WNT7B: variants seen among roughly 807,000 people sequenced by gnomAD.
The protein encoded by WNT7B is Wnt family member 7B.
WNT7B carries 19 observed loss-of-function variants against 38.2 expected under a neutral mutation model. That is an observed-to-expected ratio of 0.50 (90% CI 0.35 to 0.73). WNT7B has a LOEUF of 0.73. Ranked by LOEUF, WNT7B falls within the 30% of genes least tolerant of loss-of-function variation. The pLI, the probability that WNT7B is intolerant of heterozygous loss-of-function variation, is 0.01. For missense variants in WNT7B, 423 were observed against 507.9 expected (o/e 0.83, Z 1.61); for synonymous variants, 243 against 209.3 (o/e 1.16, Z -1.39).
intron 2 of WNT7B, among the ~76,000 whole-genome samples, chr22:45,935,655 C>A (rs1481183167): frequency 6.6e-6 from 1 of 152,186 alleles, no homozygotes; most frequent in African/African-American, 2.4e-5. Flanking sequence ...CTTTTCTGTA[C>A]CTCCCACCCA....
chr22:45,960,415 G>T (rs1296604455), intron 1 of WNT7B, among the ~76,000 whole-genome samples: 1 of 152,134 alleles, frequency 6.6e-6, no homozygotes, highest in Non-Finnish European at 1.5e-5. Flanking sequence ...GGGGTCCCCA[G>T]AATTGCCCAG....
intron 1 of WNT7B, among the ~76,000 whole-genome samples, chr22:45,960,847 C>T (rs1452667066): frequency 6.6e-6 from 1 of 152,224 alleles, no homozygotes; most frequent in Non-Finnish European, 1.5e-5. Context: ...CCGGAACTTT[C>T]CATCCATATA....
At chr22:45,925,886 G>C in intron 3 of WNT7B, 1 of 985,422 alleles carries the variant, frequency 1.0e-6, no homozygotes, top group Non-Finnish European at 1.2e-6. Context: ...TGCAGGCCAC[G>C]TGGTCTAGGC....
intron 2 of WNT7B, among the ~76,000 whole-genome samples, chr22:45,941,167 G>C (rs969178324): frequency 2.0e-5 from 3 of 152,314 alleles, no homozygotes; most frequent in East Asian, 1.9e-4. Flanking sequence ...TCTCAGCGTA[G>C]AGCTAACGGG....
chr22:45,954,639 A>C, intron 1 of WNT7B: 1 of 985,400 alleles, frequency 1.0e-6, no homozygotes, highest in Non-Finnish European at 1.2e-6. Flanking sequence ...GGGGAAGTAA[A>C]GGCATCAGGG....
rs1187825014 is a variant in WNT7B at position 45,923,310 on chromosome 22, T to C, written c.596A>G (p.Glu199Gly). Residue 199 changes from glutamate to glycine, a missense_variant, in exon 4 of 4, where the codon GAG becomes GGG. By Grantham distance (98) the Glu-to-Gly change is moderately conservative (BLOSUM62 -2). Coordinates refer to ENST00000339464, the MANE Select transcript of WNT7B (RefSeq NM_058238.3). ...GCCAGACACGCCGTGGCACTTGCAC[T>C]CCAGCTGCATCCGGTCCTCTAGAAC... ...RKVLEDRMQL[E>G]CKCHGVSGSC... 6.2e-7 allele frequency: 1 copy of C among 1,608,612 alleles called. No individual in the cohort carries two copies. The highest frequency in any genetic ancestry group is 2.2e-5 in the East Asian group (1 of 44,760).
intron 1 of WNT7B, chr22:45,972,373 C>T: frequency 3.0e-6 from 1 of 329,534 alleles, no homozygotes; most frequent in Non-Finnish European, 5.5e-6. Context: ...CTCGTGGGCC[C>T]GGGCGCAGTT....
intron 1 of WNT7B, chr22:45,954,912 G>T (rs998152561): frequency 1.4e-5 from 4 of 289,844 alleles, no homozygotes; most frequent in African/African-American, 9.1e-5. Flanking sequence ...TTAGAGCTCA[G>T]AGAGGCTAGG....
At chr22:45,947,933 C>T (rs1931835069) in intron 2 of WNT7B, among the ~76,000 whole-genome samples, 2 of 152,200 alleles carry the variant, frequency 1.3e-5, no homozygotes, top group Non-Finnish European at 2.9e-5. Context: ...GCCTGATCCC[C>T]AGGCGAGCTC....
At chr22:45,944,726 T>C (rs1361590590) in intron 2 of WNT7B, among the ~76,000 whole-genome samples, 4 of 152,252 alleles carry the variant, frequency 2.6e-5, no homozygotes, top group African/African-American at 9.6e-5. Context: ...CATCGTGTCC[T>C]GGGTGCAAGC....
chr22:45,954,446 C>G (rs932032875), intron 1 of WNT7B, among the ~76,000 whole-genome samples: 1 of 152,194 alleles, frequency 6.6e-6, no homozygotes, highest in Non-Finnish European at 1.5e-5. Context: ...TTAAAAAACT[C>G]TATCTATACA....
intron 1 of WNT7B, chr22:45,972,021 G>A (rs1165039926): frequency 4.4e-6 from 2 of 451,710 alleles, no homozygotes; most frequent in South Asian, 3.8e-5. Flanking sequence ...AAAGTCCCCC[G>A]GCTCCCGCGC....
intron 1 of WNT7B, among the ~76,000 whole-genome samples, chr22:45,970,048 G>C (rs74912875): frequency 6.6e-6 from 1 of 152,140 alleles, no homozygotes; most frequent in Admixed American, 6.6e-5. Flanking sequence ...ACCGAATCGC[G>C]CAGGCCCTAC....
intron 2 of WNT7B, among the ~76,000 whole-genome samples, chr22:45,943,014 T>C (rs1433955850): frequency 6.6e-6 from 1 of 151,442 alleles, no homozygotes; most frequent in Non-Finnish European, 1.5e-5. Context: ...ATGTGTGCAG[T>C]GTGCATGTGT....
At chr22:45,964,412 G>T (rs1932266603) in intron 1 of WNT7B, among the ~76,000 whole-genome samples, 1 of 152,132 alleles carries the variant, frequency 6.6e-6, no homozygotes, top group Non-Finnish European at 1.5e-5. Context: ...TGTGGCCCCT[G>T]CAGGCCAGCC....
intron 2 of WNT7B, among the ~76,000 whole-genome samples, chr22:45,941,447 G>T (rs1003447248): frequency 4.6e-5 from 7 of 151,100 alleles, no homozygotes; most frequent in African/African-American, 1.7e-4. Context: ...GGAGATGAAG[G>T]TTGCAGTGAG....
Position 45,950,143 on chromosome 22 carries a change from T to C in WNT7B, c.75A>G (p.Ala25=), listed in dbSNP as rs1471228273. ...CFGVLYVKLG[A]LSSVVALGAN... ...CTCCCAGGGCCACCACGGATGACAGTGCTCTGTGGAGGGGAGGAGACAGAG... is the reference window on the plus strand; with the variant it reads ...CTCCCAGGGCCACCACGGATGACAGCGCTCTGTGGAGGGGAGGAGACAGAG... Residue 25 remains alanine (A), a synonymous_variant, in exon 2 of 4, where the codon GCA becomes GCG. Transcript: ENST00000339464. 1 of 1,613,436 alleles carries C rather than the reference T, an allele frequency of 6.2e-7. No individual in the cohort carries two copies. The highest frequency in any genetic ancestry group is 8.5e-7 in the Non-Finnish European group (1 of 1,179,782).
At chr22:45,923,362 C>T (rs1161879401) in intron 3 of WNT7B, 27 bp from the exon 4 acceptor site, 1 of 1,575,320 alleles carries the variant, frequency 6.3e-7, no homozygotes, top group African/African-American at 1.3e-5. Context: ...AGCTGCTCGG[C>T]ACGGCATGGC....
chr22:45,969,296 G>A (rs544467847), intron 1 of WNT7B, among the ~76,000 whole-genome samples: 1 of 152,362 alleles, frequency 6.6e-6, no homozygotes, highest in African/African-American at 2.4e-5. Context: ...CACCATGACA[G>A]GCTCCTACCG....
Sources: gnomAD v4.1 joint callset for allele counts (sites outside exome capture counted in the v4.1 genomes callset) on GRCh38, gnomAD v4.1.1 for gene constraint, MANE v1.5 for transcripts, NCBI Gene and HGNC (gene_info 2026-07-23, HGNC 2026-07-21) for gene names.